The following CCDC88C variants were observed in gnomAD, a reference collection of about 807,000 sequenced individuals.
CCDC88C encodes protein Daple.
In CCDC88C, 131 loss-of-function variants were observed where a neutral mutation model predicts 198.8. That is an observed-to-expected ratio of 0.66 (90% CI 0.57 to 0.76). The LOEUF (loss-of-function observed/expected upper bound fraction) is 0.76, where lower values mean the gene tolerates loss of function less well. Ranked by LOEUF, CCDC88C falls within the 30% of genes least tolerant of loss-of-function variation. The probability of loss-of-function intolerance (pLI) is 0.00; values close to 1 mark genes in which losing one functional copy is unlikely to be tolerated. For missense variants in CCDC88C, 2,553 were observed against 2,631.6 expected (o/e 0.97, Z 0.65); for synonymous variants, 1,166 against 1,114.7 (o/e 1.05, Z -0.92).
Position 91,417,662 on chromosome 14 carries a change from T to A in CCDC88C, c.29A>T (p.Glu10Val). MDVTVSELL[E>V]LFLQSPLVTW... is the part of the protein sequence containing the mutation. The stretch of plus-strand genomic sequence containing the variant: ...CACCAGCGGGCTCTGCAGGAAGAGC[T>A]CCAGGAGCTCCGAGACTGTCACGTC... Residue 10 changes from glutamate to valine, a missense_variant, in exon 1 of 30, where the codon GAG becomes GTG. Coordinates refer to ENST00000389857, the MANE Select transcript of CCDC88C (RefSeq NM_001080414.4). The A allele has an allele frequency of 1.3e-6, 2 of 1,585,292 alleles. No individual in the cohort carries two copies. The highest frequency in any genetic ancestry group is 1.7e-6 in the Non-Finnish European group (2 of 1,169,022).
chr14:91,320,532 G>A (rs1340422927), intron 13 of CCDC88C, among the ~76,000 whole-genome samples: 2 of 152,220 alleles, frequency 1.3e-5, no homozygotes. Flanking sequence ...CGGAGCCCAC[G>A]AAGGGGGTGG....
intron 29 of CCDC88C, 32 bp downstream of exon 29, chr14:91,277,890 A>T: frequency 6.8e-7 from 1 of 1,460,190 alleles, no homozygotes; most frequent in Non-Finnish European, 9.1e-7. Flanking sequence ...GAGGGAAGAG[A>T]GACGGGCCAA....
chr14:91,306,018 T>C, intron 18 of CCDC88C, 92 bp from the exon 19 acceptor site: 1 of 1,380,042 alleles, frequency 7.2e-7, no homozygotes, highest in Non-Finnish European at 1.0e-6. Flanking sequence ...CCCTCAAAAG[T>C]TGATGTTTTG....
At chr14:91,383,199 AAG>A (rs1309095870) in intron 3 of CCDC88C, among the ~76,000 whole-genome samples, 2 of 152,126 alleles carry the variant, frequency 1.3e-5, no homozygotes, top group Non-Finnish European at 2.9e-5. Context: ...TCTCAAAGGT[AAG>A]AGAGTCACCC....
chr14:91,414,646 CA>C (rs879861343), intron 2 of CCDC88C, among the ~76,000 whole-genome samples: 5 of 152,184 alleles, frequency 3.3e-5, no homozygotes, highest in African/African-American at 9.7e-5. Context: ...TGCAGGAAAC[CA>C]TGCCCACCCG....
intron 3 of CCDC88C, among the ~76,000 whole-genome samples, chr14:91,391,221 A>C (rs1329105127): frequency 6.6e-6 from 1 of 151,846 alleles, no homozygotes; most frequent in African/African-American, 2.4e-5. Context: ...TCATCCTCAC[A>C]GTACAAACTC....
In CCDC88C at chr14:91,371,440, T is replaced by C. The variant is rs1894796317; in HGVS notation, c.271-11729A>G. On this transcript the variant is annotated intron_variant, in intron 3 of 29. Coordinates refer to ENST00000389857, the MANE Select transcript of CCDC88C (RefSeq NM_001080414.4). This position sits in a 1 kb window ranked among gnomAD's most constrained non-coding sequence, Gnocchi z 4.2. ...TGTAGTGGTCCCATGGGAGGAGCCA[T>C]GTGCTGTCCAGGCCCAGCCAACCTC... Among the ~76,000 whole-genome samples the C allele has an allele frequency of 1.3e-5, 2 of 152,020 alleles. No homozygotes were observed. Among genetic ancestry groups the C allele is most frequent in the Non-Finnish European group, 1.5e-5 (1 of 67,940 alleles).
chr14:91,413,714 G>A (rs961921636), intron 2 of CCDC88C, among the ~76,000 whole-genome samples: 1 of 152,132 alleles, frequency 6.6e-6, no homozygotes, highest in African/African-American at 2.4e-5. Context: ...AGGAGACCAG[G>A]GCCGAGAGAC....
chr14:91,411,617 G>C (rs1276527656), intron 2 of CCDC88C, among the ~76,000 whole-genome samples: 3 of 152,076 alleles, frequency 2.0e-5, no homozygotes, highest in African/African-American at 7.2e-5. Context: ...AGAGTTCCAA[G>C]TCTAAAGTGT....
At chr14:91,354,661 G>A (rs1223565132) in intron 4 of CCDC88C, among the ~76,000 whole-genome samples, 4 of 152,112 alleles carry the variant, frequency 2.6e-5, no homozygotes, top group Admixed American at 1.3e-4. Context: ...CCAGCTTGAC[G>A]GGAGAGCAAA....
At chr14:91,349,535 C>T (rs942065571) in intron 4 of CCDC88C, among the ~76,000 whole-genome samples, 4 of 152,202 alleles carry the variant, frequency 2.6e-5, no homozygotes, top group South Asian at 2.1e-4. Context: ...GCAACCACTG[C>T]GGGCGGGGAT....
intron 4 of CCDC88C, among the ~76,000 whole-genome samples, chr14:91,346,426 AGT>A (rs1473204213): frequency 6.6e-6 from 1 of 152,246 alleles, no homozygotes; most frequent in Non-Finnish European, 1.5e-5. Context: ...TTCTCCTGCT[AGT>A]AAGTGTAGAA....
At chr14:91,397,795 C>T (rs11628066) in intron 3 of CCDC88C, among the ~76,000 whole-genome samples, 37,093 of 152,168 alleles carry the variant, frequency 0.24, 4,689 homozygotes, top group East Asian at 0.36. Context: ...CACGCAGCAC[C>T]CCCACCCCAC....
chr14:91,353,069 A>C (rs990844011), intron 4 of CCDC88C, among the ~76,000 whole-genome samples: 5 of 152,342 alleles, frequency 3.3e-5, no homozygotes, highest in Non-Finnish European at 5.9e-5. Context: ...ACACACTGGC[A>C]GGAGAGCAAA....
At chr14:91,389,192 T>C (rs1596147067) in intron 3 of CCDC88C, among the ~76,000 whole-genome samples, 1 of 151,440 alleles carries the variant, frequency 6.6e-6, no homozygotes, top group Non-Finnish European at 1.5e-5. Flanking sequence ...GGAGTGGGGG[T>C]AGTTTACAAA....
chr14:91,415,799 TGGA>T (rs1887017024), intron 2 of CCDC88C, among the ~76,000 whole-genome samples: 1 of 152,170 alleles, frequency 6.6e-6, no homozygotes, highest in Non-Finnish European at 1.5e-5. Flanking sequence ...AGCCACTTTC[TGGA>T]TATGCCAAAG....
At chr14:91,322,500 T>C (rs1026001968) in intron 12 of CCDC88C, among the ~76,000 whole-genome samples, 1 of 152,172 alleles carries the variant, frequency 6.6e-6, no homozygotes, top group Non-Finnish European at 1.5e-5. Flanking sequence ...ACAAGGACGC[T>C]TGGAGGGCTC....
chr14:91,294,883 C>T (rs1890932646), intron 22 of CCDC88C, among the ~76,000 whole-genome samples: 1 of 152,210 alleles, frequency 6.6e-6, no homozygotes, highest in Non-Finnish European at 1.5e-5. Flanking sequence ...TTCTCAAACT[C>T]CTGACCTCAG....
At chr14:91,294,376 G>T in intron 22 of CCDC88C, 58 bp from the exon 23 acceptor site, 1 of 1,586,698 alleles carries the variant, frequency 6.3e-7, no homozygotes, top group Non-Finnish European at 8.6e-7. Flanking sequence ...CCCACTGCTG[G>T]GAACCTAGCT....
Sources: gnomAD v4.1 joint callset for allele counts (sites outside exome capture counted in the v4.1 genomes callset) on GRCh38, gnomAD v4.1.1 for gene constraint, Gnocchi (gnomAD v3.1) non-coding constraint, MANE v1.5 for transcripts, NCBI Gene and HGNC (gene_info 2026-07-23, HGNC 2026-07-21) for gene names.